The following RGMB variants were observed in gnomAD, a reference collection of about 807,000 sequenced individuals.
RGMB encodes the protein repulsive guidance molecule B.
In RGMB, 16 loss-of-function variants were observed where a neutral mutation model predicts 26.9. That is an observed-to-expected ratio of 0.60 (90% CI 0.40 to 0.90). The LOEUF is 0.90. Ranked by LOEUF, RGMB falls within the 40% of genes least tolerant of loss-of-function variation. The pLI is 0.00. For synonymous variants in RGMB, 225 were observed against 229.3 expected (o/e 0.98, Z 0.17); for missense variants, 512 against 573.3 (o/e 0.89, Z 1.09).
chr5:98,784,206 C>T (rs566383658), intron 2 of RGMB, among the ~76,000 whole-genome samples: 78 of 152,296 alleles, frequency 5.1e-4, no homozygotes, highest in Non-Finnish European at 8.1e-4. Flanking sequence ...GTGCTGCCAA[C>T]GGCCACCAGC....
rs531558753 is a variant in RGMB, at chr5:98,795,200, A to G, written c.*1447A>G. ...TTAACTCCAGGATAGGTAGGTTTCTATTGTTATAGCTAGATGTAAATCTTT... is the reference window on the plus strand; with the variant it reads ...TTAACTCCAGGATAGGTAGGTTTCTGTTGTTATAGCTAGATGTAAATCTTT... On this transcript the variant is annotated 3_prime_UTR_variant, in exon 3 of 3. Transcript: ENST00000513185. 6.6e-5 allele frequency: 10 copies of G among 152,348 alleles called. No homozygotes were observed. Among genetic ancestry groups the G allele is most frequent in the East Asian group, 3.9e-4 (2 of 5,192 alleles). The allele number at this position is 152,348 out of a possible 1,614,324, so 9.4% of individuals were successfully genotyped here.
rs1177913763 is a variant in RGMB, at chr5:98,794,440, G to C, written c.*687G>C. ...TTGAGCCCATACAGTGTATTAGGTT[G>C]AACCATAGAAACTGCTATTCTCGTA... On this transcript the variant is annotated 3_prime_UTR_variant, in exon 3 of 3. Transcript: ENST00000513185. The C allele has an allele frequency of 6.6e-6, 1 of 152,164 alleles. No individual in the cohort carries two copies. Among genetic ancestry groups the C allele is most frequent in the Non-Finnish European group, 1.5e-5 (1 of 68,018 alleles). 9.4% of individuals were successfully genotyped at this position (152,164 alleles called of 1,614,324 possible).
chr5:98,790,203 A>G (rs1478062677), intron 2 of RGMB, among the ~76,000 whole-genome samples: 1 of 152,222 alleles, frequency 6.6e-6, no homozygotes, highest in Non-Finnish European at 1.5e-5. Context: ...ATCTCTAGGT[A>G]CCTGCTCAGT....
intron 2 of RGMB, chr5:98,780,769 T>C (rs1377395007): frequency 6.6e-6 from 1 of 152,318 alleles, no homozygotes; most frequent in Admixed American, 6.5e-5. Context: ...TTATGTGGTC[T>C]GTGTTCGTTT....
chr5:98,776,019 C>G (rs1024934277), intron 1 of RGMB, among the ~76,000 whole-genome samples: 8 of 152,224 alleles, frequency 5.3e-5, no homozygotes, highest in Non-Finnish European at 1.0e-4. Context: ...TCCTTATCAT[C>G]TGCCTCAGCA....
chr5:98,769,082 C>T (rs1746065079), upstream of RGMB, among the ~76,000 whole-genome samples: 1 of 152,244 alleles, frequency 6.6e-6, no homozygotes, highest in East Asian at 1.9e-4. Flanking sequence ...GTGGCGCTGG[C>T]GGCGTGAAAG....
chr5:98,782,074 G>A (rs1457571274), intron 2 of RGMB, among the ~76,000 whole-genome samples: 1 of 152,182 alleles, frequency 6.6e-6, no homozygotes, highest in Non-Finnish European at 1.5e-5. Context: ...TGCACTATTG[G>A]AAGGTATTTT....
intron 2 of RGMB, among the ~76,000 whole-genome samples, chr5:98,789,107 C>G (rs1164380214): frequency 1.3e-5 from 2 of 152,102 alleles, no homozygotes; most frequent in African/African-American, 4.8e-5. Context: ...GAATTTTAAC[C>G]AGGTGCATAT....
intron 2 of RGMB, among the ~76,000 whole-genome samples, chr5:98,782,611 C>T (rs984980758): frequency 1.3e-5 from 2 of 152,208 alleles, no homozygotes; most frequent in Non-Finnish European, 1.5e-5. Context: ...TAATAACCCA[C>T]GTGCTCAGTG....
rs572515674 is a variant in RGMB, at chr5:98,794,372, A to G, written c.*619A>G. On this transcript the variant is annotated 3_prime_UTR_variant, in exon 3 of 3. Coordinates refer to ENST00000513185, the MANE Select transcript of RGMB (RefSeq NM_001366508.1). ...CTGTTACTTTTTCAGAAGGGGGGGTATTATTGGTATTCTGATTACTCTCAA... is the reference window on the plus strand; with the variant it reads ...CTGTTACTTTTTCAGAAGGGGGGGTGTTATTGGTATTCTGATTACTCTCAA... 8.0e-5 allele frequency: 12 copies of G among 150,138 alleles called. No individual in the cohort carries two copies. In the East Asian group the frequency reaches 2.3e-3, roughly 29 times the overall value. The allele number at this position is 150,138 out of a possible 1,614,324, so 9.3% of individuals were successfully genotyped here.
intron 2 of RGMB, among the ~76,000 whole-genome samples, chr5:98,783,143 T>TC (rs2112357787): frequency 6.6e-6 from 1 of 152,316 alleles, no homozygotes; most frequent in South Asian, 2.1e-4. Context: ...TCTGTGTTTT[T>TC]AGTTTTGCCC....
At chr5:98,773,259 G>A (rs1229358645), upstream of RGMB, 1 of 152,188 alleles carries the variant, frequency 6.6e-6, no homozygotes, top group East Asian at 1.9e-4. Context: ...AACTTGGAGG[G>A]AAGATGAATC....
chr5:98,784,186 T>A lies in RGMB; in HGVS notation c.645+4098T>A, dbSNP rs538982715. On this transcript the variant is annotated intron_variant, in intron 2 of 2. Coordinates refer to ENST00000513185, the MANE Select transcript of RGMB (RefSeq NM_001366508.1). The stretch of plus-strand genomic sequence containing the variant: ...CAGATGCTCTGAGGTGCCTATCTTG[T>A]ACGTTTTTGGTGCTGCCAACGGCCA... Among the ~76,000 whole-genome samples the A allele has an allele frequency of 2.0e-5, 3 of 152,330 alleles. No individual in the cohort carries two copies. In the South Asian group the frequency reaches 6.2e-4, roughly 32 times the overall value.
chr5:98,790,214 G>A (rs929351026), intron 2 of RGMB, among the ~76,000 whole-genome samples: 4 of 152,170 alleles, frequency 2.6e-5, no homozygotes, highest in Non-Finnish European at 5.9e-5. Context: ...CCTGCTCAGT[G>A]CATATTTAAA....
chr5:98,771,989 T>C (rs556358235), upstream of RGMB, among the ~76,000 whole-genome samples: 1 of 152,250 alleles, frequency 6.6e-6, no homozygotes, highest in Admixed American at 6.5e-5. Flanking sequence ...ATCAGTATTA[T>C]GTTTGATTAC....
At chr5:98,787,278 T>C (rs1174340445) in intron 2 of RGMB, among the ~76,000 whole-genome samples, 2 of 152,172 alleles carry the variant, frequency 1.3e-5, no homozygotes, top group African/African-American at 2.4e-5. Flanking sequence ...CCTTTTACTT[T>C]TTTTGCTCAC....
intron 1 of RGMB, among the ~76,000 whole-genome samples, chr5:98,778,680 G>C (rs574787394): frequency 1.8e-4 from 28 of 152,236 alleles, no homozygotes; most frequent in African/African-American, 6.5e-4. Flanking sequence ...TTGTGCTTTA[G>C]GAGATTTTAT....
At chr5:98,791,011 C>T (rs1035187146) in intron 2 of RGMB, among the ~76,000 whole-genome samples, 1 of 152,140 alleles carries the variant, frequency 6.6e-6, no homozygotes, top group South Asian at 2.1e-4. Flanking sequence ...CACTTGTCAA[C>T]GGATTTTAGA....
intron 2 of RGMB, among the ~76,000 whole-genome samples, chr5:98,790,571 T>C (rs1223931410): frequency 2.0e-5 from 3 of 152,194 alleles, no homozygotes; most frequent in Admixed American, 6.5e-5. Context: ...TGAGTTGGAA[T>C]TGGTGTGCTT....
Sources: gnomAD v4.1 joint callset for allele counts (sites outside exome capture counted in the v4.1 genomes callset) on GRCh38, gnomAD v4.1.1 for gene constraint, MANE v1.5 for transcripts, NCBI Gene and HGNC (gene_info 2026-07-23, HGNC 2026-07-21) for gene names.